The following PSD3 variants were observed in gnomAD, a reference collection of about 807,000 sequenced individuals.
PSD3 encodes pleckstrin and Sec7 domain containing 3.
Under a neutral mutation model 105.5 loss-of-function variants are expected in PSD3, and 49 were observed. The ratio of observed to expected loss-of-function variants is 0.46; its 90% CI spans 0.37 to 0.59. PSD3 has a LOEUF of 0.59. Ranked by LOEUF, PSD3 falls within the 20% of genes least tolerant of loss-of-function variation. The pLI is 0.00. For synonymous variants in PSD3, 557 were observed against 457.8 expected (o/e 1.22, Z -2.77); for missense variants, 1,561 against 1,263.8 (o/e 1.24, Z -3.57).
At chr8:18,867,496 A>T (rs559683842) in intron 4 of PSD3, among the ~76,000 whole-genome samples, 178 bp downstream of exon 4, 9 of 152,228 alleles carry the variant, frequency 5.9e-5, no homozygotes, top group Non-Finnish European at 1.2e-4. Context: ...CCAATGTGAC[A>T]AACCACTAAG....
chr8:18,961,808 C>T (rs921063015), intron 1 of PSD3, among the ~76,000 whole-genome samples: 4 of 151,982 alleles, frequency 2.6e-5, no homozygotes, highest in South Asian at 2.1e-4. Flanking sequence ...TCAGATATAC[C>T]GCCTAACAAA....
At chr8:18,704,390 T>C (rs978459480) in intron 9 of PSD3, among the ~76,000 whole-genome samples, 1 of 152,012 alleles carries the variant, frequency 6.6e-6, no homozygotes, top group East Asian at 1.9e-4. Flanking sequence ...CAGGCTGGAG[T>C]GCAGTTGTGT....
intron 1 of PSD3, among the ~76,000 whole-genome samples, chr8:18,992,258 C>T (rs978515355): frequency 3.3e-5 from 5 of 151,916 alleles, no homozygotes; most frequent in Admixed American, 2.0e-4. Flanking sequence ...GCAAGTGGGA[C>T]TATAGCTTGC....
chr8:18,675,302 G>C (rs1800007276), intron 9 of PSD3, among the ~76,000 whole-genome samples: 2 of 152,218 alleles, frequency 1.3e-5, no homozygotes, highest in African/African-American at 2.4e-5. Flanking sequence ...TGCCCCAGTG[G>C]ATTTCTGAGT....
At chr8:18,862,380 T>TAA (rs548421850) in intron 4 of PSD3, among the ~76,000 whole-genome samples, 4,024 of 105,730 alleles carry the variant, frequency 0.038, 187 homozygotes, top group African/African-American at 0.13. Flanking sequence ...TTGTGGTTTT[T>TAA]AAAAAAAAAA....
chr8:18,702,698 C>T (rs1171320854), intron 9 of PSD3, among the ~76,000 whole-genome samples: 9 of 150,928 alleles, frequency 6.0e-5, no homozygotes, highest in Non-Finnish European at 1.0e-4. Context: ...CTGCAAGCTC[C>T]GGCTCCCGGG....
chr8:19,071,904 T>G (rs1390289781), intron 1 of PSD3, among the ~76,000 whole-genome samples: 1 of 152,026 alleles, frequency 6.6e-6, no homozygotes, highest in Non-Finnish European at 1.5e-5. Context: ...GAGATGGGAT[T>G]TCACTATGTT....
At chr8:18,896,207 G>A (rs1819138458) in intron 2 of PSD3, among the ~76,000 whole-genome samples, 1 of 152,120 alleles carries the variant, frequency 6.6e-6, no homozygotes, top group African/African-American at 2.4e-5. Flanking sequence ...TTTTCTTTAT[G>A]CTTTCATCTG....
intron 4 of PSD3, among the ~76,000 whole-genome samples, chr8:18,857,905 G>T (rs569280192): frequency 4.3e-4 from 66 of 152,248 alleles, no homozygotes; most frequent in African/African-American, 1.5e-3. Context: ...CAAATAGAGC[G>T]TCAGGCACAG....
chr8:18,758,114 C>G (rs1218694890), intron 9 of PSD3, among the ~76,000 whole-genome samples: 1 of 152,126 alleles, frequency 6.6e-6, no homozygotes, highest in Admixed American at 6.5e-5. Context: ...ATGGTAACAT[C>G]TGCAAAACTA....
At chr8:18,727,334 CAAAA>C (rs11300334) in intron 9 of PSD3, among the ~76,000 whole-genome samples, 20 of 55,806 alleles carry the variant, frequency 3.6e-4, no homozygotes, top group African/African-American at 1.3e-3. Flanking sequence ...GACTGTGTCT[CAAAA>C]AAAAAAAAAA....
In PSD3 at chr8:19,019,360, T is replaced by C. The variant is rs541754161; in HGVS notation, c.324+64846A>G. ...TCCATTGTGATCTATGGCTCACTCC[T>C]CTTTATTATCAATTCTCAAGCAATC... On this transcript the variant is annotated intron_variant, in intron 1 of 1. Coordinates refer to the PSD3 transcript ENST00000521475. Among the ~76,000 whole-genome samples, 6 of 152,330 alleles carry C rather than the reference T, an allele frequency of 3.9e-5. No homozygotes were observed. The South Asian group carries it at 1.2e-3, about 32-fold the overall frequency.
chr8:18,711,993 C>T (rs1802283760), intron 9 of PSD3, among the ~76,000 whole-genome samples: 1 of 152,120 alleles, frequency 6.6e-6, no homozygotes, highest in African/African-American at 2.4e-5. Flanking sequence ...CACACAACTA[C>T]ATGGAAATTG....
Position 18,595,011 on chromosome 8 carries a change from G to A in PSD3, c.2481+5353C>T, listed in dbSNP as rs959002429. ...TGCTTTAATGTTGTAATAGTGGTGT[G>A]TAAATGACTTTTAACTCTGGTATAG... On this transcript the variant is annotated intron_variant, in intron 12 of 15. Transcript: ENST00000327040. 5.3e-5 allele frequency among the ~76,000 whole-genome samples: 8 copies of A among 151,948 alleles called. No individual in the cohort carries two copies. The Middle Eastern group carries it at 0.01, about 194-fold the overall frequency.
chr8:18,727,553 C>CAA (rs1803421960), intron 9 of PSD3, among the ~76,000 whole-genome samples: 1 of 119,142 alleles, frequency 8.4e-6, no homozygotes, highest in Non-Finnish European at 1.6e-5. Context: ...AAAATCCAAA[C>CAA]ACACACACAC....
At chr8:18,589,202 T>A (rs1345688790) in intron 12 of PSD3, among the ~76,000 whole-genome samples, 1 of 152,076 alleles carries the variant, frequency 6.6e-6, no homozygotes, top group Admixed American at 6.6e-5. Context: ...CTTATAGGAC[T>A]CCACAGGAAA....
At chr8:18,945,069 C>CAG (rs911056029) in intron 1 of PSD3, among the ~76,000 whole-genome samples, 1 of 151,272 alleles carries the variant, frequency 6.6e-6, no homozygotes, top group Non-Finnish European at 1.5e-5. Context: ...TTCAGACAGA[C>CAG]ACACACACAC....
intron 10 of PSD3, among the ~76,000 whole-genome samples, chr8:18,654,657 A>T (rs1808755683): frequency 6.6e-6 from 1 of 152,236 alleles, no homozygotes; most frequent in Non-Finnish European, 1.5e-5. Flanking sequence ...GAAACACTAT[A>T]TGTCACTGTC....
intron 1 of PSD3, chr8:19,000,159 G>A (rs1826295951): frequency 2.0e-5 from 3 of 151,320 alleles, no homozygotes; most frequent in South Asian, 4.2e-4. Flanking sequence ...GGGAGGCCAA[G>A]GTGAGAGGAT....
Sources: allele counts gnomAD v4.1 joint callset (sites outside exome capture counted in the v4.1 genomes callset), GRCh38; gene constraint gnomAD v4.1.1; transcripts MANE v1.5; gene names NCBI Gene and HGNC (gene_info 2026-07-23, HGNC 2026-07-21).